Variants in RNF17 observed in about 807,000 individuals in gnomAD.
The protein encoded by RNF17 is spermatogenesis associated 23.
RNF17 carries 31 observed loss-of-function variants against 200.5 expected under a neutral mutation model. The observed-to-expected ratio is 0.15, with a 90% CI of 0.12 to 0.21. The LOEUF (loss-of-function observed/expected upper bound fraction) is 0.21. RNF17 is among the 10% of genes least tolerant of loss of function. The pLI, the probability that RNF17 is intolerant of heterozygous loss-of-function variation, is 1.00. For synonymous variants in RNF17, 606 were observed against 637.8 expected, an observed-to-expected ratio of 0.95 and a Z score of 0.75; for missense variants, 1,628 against 1,905.1, an observed-to-expected ratio of 0.85 and a Z score of 2.71.
intron 15 of RNF17, chr13:24,824,288 G>C: frequency 1.5e-6 from 1 of 684,148 alleles, no homozygotes; most frequent in Non-Finnish European, 2.7e-6. Context: ...AATCTATTTT[G>C]TTGGCGTCAT....
At position 24,867,744 on chromosome 13, in the gene RNF17, C is replaced by T. The variant is rs1475539376; in HGVS notation, c.4162-856C>T. On this transcript the variant is annotated intron_variant, in intron 30 of 35. Coordinates refer to ENST00000255324, the MANE Select transcript of RNF17 (RefSeq NM_031277.3). ...CATTTTTATACACATTTGCTTTTAA[C>T]AATTGCTGGGTGCCGTGATCTTCCT... Among the ~76,000 whole-genome samples the T allele has an allele frequency of 2.0e-5, 3 of 152,190 alleles. No homozygotes were observed. In the East Asian group the frequency reaches 5.8e-4, roughly 29 times the overall value.
At chr13:24,827,374 CATTT>C (rs1456420546) in intron 16 of RNF17, among the ~76,000 whole-genome samples, 4 of 152,126 alleles carry the variant, frequency 2.6e-5, no homozygotes, top group Admixed American at 6.5e-5. Context: ...TTCTATCCTT[CATTT>C]GTCACCACTG....
At chr13:24,883,255 A>T, downstream of RNF17, 1 of 1,614,052 alleles carries the variant, frequency 6.2e-7, no homozygotes. Context: ...TCGTTTCTTG[A>T]TGACCGTTTG....
chr13:24,802,338 A>G, intron 13 of RNF17, 43 bp from the exon 14 acceptor site: 1 of 1,508,594 alleles, frequency 6.6e-7, no homozygotes, highest in Non-Finnish European at 9.0e-7. Context: ...AACATTAGCG[A>G]TACTTACAAT....
chr13:24,842,869 C>G (rs909093772), intron 19 of RNF17, among the ~76,000 whole-genome samples: 8 of 151,936 alleles, frequency 5.3e-5, no homozygotes, highest in Non-Finnish European at 1.0e-4. Flanking sequence ...TGCCTATAGT[C>G]CCAGCTACTC....
chr13:24,794,785 C>T (rs111688781), intron 10 of RNF17, among the ~76,000 whole-genome samples: 113 of 152,246 alleles, frequency 7.4e-4, no homozygotes, highest in Middle Eastern at 3.4e-3. Flanking sequence ...TGCAGTGGCG[C>T]GATCCTGGCT....
chr13:24,886,321 G>A, the RNF17 span: 1 of 1,289,248 alleles, frequency 7.8e-7, no homozygotes, highest in Non-Finnish European at 1.0e-6. Flanking sequence ...ATGGCCTGAA[G>A]GAGGAGAGCG....
chr13:24,835,775 C>G (rs528425673), intron 18 of RNF17, among the ~76,000 whole-genome samples: 2 of 152,260 alleles, frequency 1.3e-5, no homozygotes, highest in Admixed American at 1.3e-4. Flanking sequence ...TTCAATACCC[C>G]CCCAAAATCA....
chr13:24,848,656 C>T (rs529543227), intron 22 of RNF17, among the ~76,000 whole-genome samples: 168 of 152,194 alleles, frequency 1.1e-3, no homozygotes, highest in African/African-American at 3.9e-3. Context: ...CAGTGAGACT[C>T]TGTCTCAAAA....
chr13:24,862,419 T>A (rs1324819209), intron 27 of RNF17, among the ~76,000 whole-genome samples: 1 of 151,556 alleles, frequency 6.6e-6, no homozygotes, highest in Non-Finnish European at 1.5e-5. Flanking sequence ...TGGTCTTTTT[T>A]AAAAAGTCTT....
intron 25 of RNF17, among the ~76,000 whole-genome samples, chr13:24,858,474 GC>G (rs1404708921): frequency 6.6e-6 from 1 of 151,718 alleles, no homozygotes; most frequent in Non-Finnish European, 1.5e-5. Flanking sequence ...ATAAACTGAG[GC>G]TTATTGGAGG....
chr13:24,880,745 G>A (rs1230025121), downstream of RNF17, among the ~76,000 whole-genome samples: 1 of 152,062 alleles, frequency 6.6e-6, no homozygotes, highest in Non-Finnish European at 1.5e-5. Context: ...CTGGGCCATG[G>A]GGTTGCTTTT....
intron 15 of RNF17, among the ~76,000 whole-genome samples, chr13:24,812,873 A>C (rs1459053665): frequency 1.3e-5 from 2 of 151,910 alleles, no homozygotes; most frequent in African/African-American, 4.8e-5. Flanking sequence ...TAGCAGGGAC[A>C]GGGTTTCACT....
At chr13:24,806,604 T>C (rs1029786710) in intron 15 of RNF17, among the ~76,000 whole-genome samples, 1 of 152,206 alleles carries the variant, frequency 6.6e-6, no homozygotes, top group African/African-American at 2.4e-5. Flanking sequence ...GTTTTTCATA[T>C]GTTTGTTGGT....
At chr13:24,764,047 A>G, upstream of RNF17, 1 of 626,728 alleles carries the variant, frequency 1.6e-6, no homozygotes, top group South Asian at 3.0e-5. Flanking sequence ...ATAACGGAAA[A>G]CAGCCCCAGC....
Position 24,859,163 on chromosome 13 carries a change from G to C in RNF17, c.3773G>C (p.Arg1258Thr), listed in dbSNP as rs752206041. 6.3e-7 allele frequency: 1 copy of C among 1,585,402 alleles called. No homozygotes were observed. Among genetic ancestry groups the C allele is most frequent in the Non-Finnish European group, 8.6e-7 (1 of 1,163,492 alleles). Residue 1258 changes from arginine (R) to threonine (T), a missense_variant and splice_region_variant, in exon 26 of 36, where the codon AGA (arginine) becomes ACA (threonine). Arg to Thr is a moderately conservative substitution (Grantham distance 71, BLOSUM62 -1). Transcript: ENST00000255324. Reference sequence around the variant, plus strand: ...ATGGAGGTTGTAGGTGGCGCTGTCAGAGTGAGTCTGATATTCTTTTGTGAC... The same window carrying C: ...ATGGAGGTTGTAGGTGGCGCTGTCACAGTGAGTCTGATATTCTTTTGTGAC... ...KVMEVVGGAV[R>T]VQYLDHGFTE...
At chr13:24,865,579 C>T (rs1893532676) in intron 29 of RNF17, among the ~76,000 whole-genome samples, 2 of 152,274 alleles carry the variant, frequency 1.3e-5, no homozygotes, top group Admixed American at 6.5e-5. Context: ...TTTTATATCA[C>T]AAGATATTTT....
At chr13:24,784,816 C>T (rs1041459481) in intron 6 of RNF17, among the ~76,000 whole-genome samples, 2 of 152,188 alleles carry the variant, frequency 1.3e-5, no homozygotes, top group Middle Eastern at 3.4e-3. Context: ...AAGTGATTCT[C>T]CTGCCTCAGC....
At chr13:24,887,819 C>T in the RNF17 span, among the ~76,000 whole-genome samples, 1 of 152,136 alleles carries the variant, frequency 6.6e-6, no homozygotes, top group Non-Finnish European at 1.5e-5. Context: ...AGGTATACTA[C>T]CAAAGTGAGC....
Sources: allele counts gnomAD v4.1 joint callset (sites outside exome capture counted in the v4.1 genomes callset), GRCh38; gene constraint gnomAD v4.1.1; transcripts MANE v1.5; gene names NCBI Gene and HGNC (gene_info 2026-07-23, HGNC 2026-07-21).